Variants in UNC13C observed in about 807,000 individuals in gnomAD.
UNC13C encodes the protein unc-13 homolog C.
In UNC13C, 174 loss-of-function variants were observed where a neutral mutation model predicts 245.4. That is an observed-to-expected ratio of 0.71 (90% CI 0.63 to 0.80). The LOEUF (loss-of-function observed/expected upper bound fraction) is 0.80, where lower values mean the gene tolerates loss of function less well. UNC13C is among the 30% of genes least tolerant of loss of function. The pLI, the probability that UNC13C is intolerant of heterozygous loss-of-function variation, is 0.00. For synonymous variants in UNC13C, 992 were observed against 895.1 expected (o/e 1.11, Z -1.93); for missense variants, 2,829 against 2,602.9 (o/e 1.09, Z -1.89).
intron 4 of UNC13C, among the ~76,000 whole-genome samples, chr15:54,163,558 TC>T (rs2141271008): frequency 6.6e-6 from 1 of 152,314 alleles, no homozygotes; most frequent in South Asian, 2.1e-4. Flanking sequence ...CCACTGTACT[TC>T]TTTTTCATTA....
chr15:54,309,968 C>G (rs1316387957), intron 13 of UNC13C, among the ~76,000 whole-genome samples: 1 of 151,802 alleles, frequency 6.6e-6, no homozygotes, highest in East Asian at 1.9e-4. Flanking sequence ...TTGAATTCTT[C>G]TGACACTAGC....
rs921822249 is a variant in UNC13C, at chr15:54,280,859, G to A, written c.3819-13036G>A. ...GTCGCCCAGGCTAGAGCACAATGGC[G>A]CAATCTCTGCTCATGGGAACCTCTG... On this transcript the variant is annotated intron_variant, in intron 10 of 32. Transcript: ENST00000260323. 1.1e-4 allele frequency among the ~76,000 whole-genome samples: 17 copies of A among 151,360 alleles called. No individual in the cohort carries two copies. The East Asian group carries it at 2.9e-3, about 26-fold the overall frequency.
intron 19 of UNC13C, among the ~76,000 whole-genome samples, chr15:54,466,524 G>T (rs980935239): frequency 6.6e-6 from 1 of 151,818 alleles, no homozygotes; most frequent in Non-Finnish European, 1.5e-5. Context: ...GTGACAAAAG[G>T]GCATGTTGGA....
At chr15:54,354,416 T>C (rs2039049440) in intron 17 of UNC13C, among the ~76,000 whole-genome samples, 1 of 152,172 alleles carries the variant, frequency 6.6e-6, no homozygotes. Flanking sequence ...TCTGTTAGCC[T>C]TATAAAAATG....
chr15:54,098,398 C>T lies in UNC13C; in HGVS notation c.2984-44620C>T, dbSNP rs1899990439. On this transcript the variant is annotated intron_variant, in intron 2 of 32. Transcript: ENST00000260323. ...CCATGTTGGCCAGGCTGGTCTCAAA[C>T]TCCTGACCCCAGGTGATCCGCCCAC... Among the ~76,000 whole-genome samples, 3 of 152,170 alleles carry T rather than the reference C, an allele frequency of 2.0e-5. No individual in the cohort carries two copies. The South Asian group carries it at 6.2e-4, about 31-fold the overall frequency.
At chr15:54,076,865 A>C (rs1898655535) in intron 2 of UNC13C, among the ~76,000 whole-genome samples, 1 of 152,252 alleles carries the variant, frequency 6.6e-6, no homozygotes, top group Admixed American at 6.5e-5. Context: ...TTTCCACCAG[A>C]GTTGAACTTA....
intron 19 of UNC13C, among the ~76,000 whole-genome samples, chr15:54,438,685 A>G (rs1024357806): frequency 1.3e-5 from 2 of 151,918 alleles, no homozygotes; most frequent in South Asian, 2.1e-4. Flanking sequence ...GTGAGTTGCA[A>G]TTAGTACCTC....
chr15:54,106,871 C>A (rs1900473966), intron 2 of UNC13C, among the ~76,000 whole-genome samples: 1 of 152,194 alleles, frequency 6.6e-6, no homozygotes, highest in Admixed American at 6.5e-5. Context: ...AAGTGCTTTT[C>A]TTGTTTCAGA....
At chr15:53,842,395 A>G in the UNC13C span, among the ~76,000 whole-genome samples, 1 of 152,172 alleles carries the variant, frequency 6.6e-6, no homozygotes, top group Non-Finnish European at 1.5e-5. Context: ...TATCTCTACT[A>G]TTCTCAATTC....
chr15:53,889,172 C>T, the UNC13C span, among the ~76,000 whole-genome samples: 1 of 152,130 alleles, frequency 6.6e-6, no homozygotes, highest in Admixed American at 6.5e-5. Flanking sequence ...ATTGATTCTC[C>T]CTATCTATGA....
chr15:54,226,766 G>T (rs934986717), intron 4 of UNC13C, among the ~76,000 whole-genome samples: 1 of 152,188 alleles, frequency 6.6e-6, no homozygotes, highest in Non-Finnish European at 1.5e-5. Flanking sequence ...AGGTGCAGCT[G>T]GACCAGATGT....
chr15:54,553,664 T>C (rs1204750508), intron 28 of UNC13C, among the ~76,000 whole-genome samples: 1 of 151,158 alleles, frequency 6.6e-6, no homozygotes, highest in Non-Finnish European at 1.5e-5. Flanking sequence ...TGCATGCTTT[T>C]TACTTGGGCA....
chr15:54,429,305 A>G (rs1005233947), intron 19 of UNC13C, among the ~76,000 whole-genome samples: 81 of 151,878 alleles, frequency 5.3e-4, no homozygotes, highest in Non-Finnish European at 3.8e-4. Context: ...ATTGTGATTG[A>G]AAGAGCAATA....
chr15:54,053,525 A>G (rs76704183), intron 2 of UNC13C, among the ~76,000 whole-genome samples: 99 of 152,294 alleles, frequency 6.5e-4, no homozygotes, highest in African/African-American at 2.3e-3. Context: ...TTAGATACAT[A>G]TATTTATGGG....
At chr15:54,151,390 T>C (rs1161165093) in intron 4 of UNC13C, among the ~76,000 whole-genome samples, 1 of 152,168 alleles carries the variant, frequency 6.6e-6, no homozygotes, top group Non-Finnish European at 1.5e-5. Flanking sequence ...TTACTCATTA[T>C]ATGAAAACTA....
chr15:54,531,879 C>T (rs961702040), intron 25 of UNC13C, among the ~76,000 whole-genome samples: 1 of 152,094 alleles, frequency 6.6e-6, no homozygotes, highest in Non-Finnish European at 1.5e-5. Flanking sequence ...TCCTTTCTGT[C>T]TCTATGGATT....
intron 7 of UNC13C, among the ~76,000 whole-genome samples, chr15:54,245,423 G>A (rs2035965834): frequency 6.6e-6 from 1 of 152,044 alleles, no homozygotes; most frequent in African/African-American, 2.4e-5. Flanking sequence ...CTGTTATAAA[G>A]CAATAGAAGT....
intron 1 of UNC13C, among the ~76,000 whole-genome samples, chr15:54,010,522 T>C (rs1238151560): frequency 6.6e-6 from 1 of 152,076 alleles, no homozygotes; most frequent in Non-Finnish European, 1.5e-5. Context: ...AGGAACAGCA[T>C]GGAAAAAGGC....
In UNC13C at chr15:54,013,171, C is replaced by T. The variant is rs1355685633; in HGVS notation, c.268C>T (p.Pro90Ser). ...GGCCAGTAAAGAGTTTTCCCTCTCA[C>T]CAACATTCAGTTACCGAGTAGCTAT... ...DEASKEFSLS[P>S]TFSYRVAIAN... Residue 90 changes from proline to serine, a missense_variant, in exon 2 of 33, where the codon CCA becomes TCA. Transcript: ENST00000260323. 2.5e-6 allele frequency: 4 copies of T among 1,613,846 alleles called. No individual in the cohort carries two copies. Among genetic ancestry groups the T allele is most frequent in the South Asian group, 1.1e-5 (1 of 91,082 alleles).
Sources: allele counts gnomAD v4.1 joint callset (sites outside exome capture counted in the v4.1 genomes callset), GRCh38; gene constraint gnomAD v4.1.1; transcripts MANE v1.5; gene names NCBI Gene and HGNC (gene_info 2026-07-23, HGNC 2026-07-21).